The following ASTN2 variants were observed in gnomAD, a reference collection of about 807,000 sequenced individuals.
The protein encoded by ASTN2 is astrotactin-2.
A neutral mutation model predicts 139.8 loss-of-function variants in ASTN2; 54 were observed. The observed-to-expected ratio is 0.39, with a 90% CI of 0.31 to 0.48. The LOEUF (loss-of-function observed/expected upper bound fraction) is 0.48. Among genes scored for constraint, ASTN2 ranks in the 20% least tolerant of loss-of-function variants. The probability of loss-of-function intolerance (pLI) is 0.95; values close to 1 mark genes in which losing one functional copy is unlikely to be tolerated. For missense variants in ASTN2, 1,565 were observed against 1,725.1 expected (o/e 0.91, Z 1.64); for synonymous variants, 756 against 719.5 (o/e 1.05, Z -0.81).
Position 116,876,017 on chromosome 9 carries a change from A to G in ASTN2, c.1890-12284T>C, listed in dbSNP as rs1007808669. Among the ~76,000 whole-genome samples the G allele has an allele frequency of 2.6e-4, 40 of 152,238 alleles. 1 individual carries two copies. Among genetic ancestry groups the G allele is most frequent in the Non-Finnish European group, 1.0e-4 (7 of 68,042 alleles). ...TTATTATTTAAGAAATACATTTTGTAAGGTTATAGTTTTCATAGATAGTGA... is the reference window on the plus strand; with the variant it reads ...TTATTATTTAAGAAATACATTTTGTGAGGTTATAGTTTTCATAGATAGTGA... On this transcript the variant is annotated intron_variant, in intron 10 of 22. Transcript: ENST00000313400.
chr9:116,525,841 A>G (rs929340177), intron 19 of ASTN2, among the ~76,000 whole-genome samples: 2 of 152,152 alleles, frequency 1.3e-5, no homozygotes, highest in African/African-American at 4.8e-5. Context: ...GTCACCCTAA[A>G]TAATGCAATC....
At chr9:116,627,001 G>A (rs1024586246) in intron 17 of ASTN2, among the ~76,000 whole-genome samples, 2 of 152,222 alleles carry the variant, frequency 1.3e-5, no homozygotes, top group African/African-American at 4.8e-5. Flanking sequence ...TAGGAGATAG[G>A]GCACAGGGGC....
chr9:117,026,116 T>A (rs1263647432), intron 6 of ASTN2, among the ~76,000 whole-genome samples: 1 of 152,010 alleles, frequency 6.6e-6, no homozygotes, highest in Non-Finnish European at 1.5e-5. Context: ...TTTCTTTTTT[T>A]TTTAAATCTA....
At chr9:116,861,046 T>C (rs907413034) in intron 11 of ASTN2, among the ~76,000 whole-genome samples, 3 of 152,110 alleles carry the variant, frequency 2.0e-5, no homozygotes, top group African/African-American at 7.2e-5. Context: ...AACCTTGAAG[T>C]AGTGGTTTTA....
chr9:117,179,599 C>G (rs903359570), intron 3 of ASTN2, among the ~76,000 whole-genome samples: 23 of 152,148 alleles, frequency 1.5e-4, no homozygotes, highest in African/African-American at 5.6e-4. Flanking sequence ...CCTTCTTGCA[C>G]CTCTTCCTTG....
chr9:117,021,232 C>G (rs2132615547), intron 6 of ASTN2, among the ~76,000 whole-genome samples: 1 of 152,166 alleles, frequency 6.6e-6, no homozygotes, highest in East Asian at 1.9e-4. Flanking sequence ...AAGTTTCTGA[C>G]ATAGAAAATA....
At chr9:116,580,027 G>T (rs1853885838) in intron 19 of ASTN2, among the ~76,000 whole-genome samples, 1 of 152,118 alleles carries the variant, frequency 6.6e-6, no homozygotes, top group Admixed American at 6.5e-5. Flanking sequence ...TCACCATGTT[G>T]ATCAGGTTGG....
At chr9:117,106,980 A>G (rs1470313373) in intron 4 of ASTN2, among the ~76,000 whole-genome samples, 1 of 152,174 alleles carries the variant, frequency 6.6e-6, no homozygotes, top group Non-Finnish European at 1.5e-5. Flanking sequence ...CTATACCTAC[A>G]TATACCCAAA....
Position 116,699,880 on chromosome 9 carries a change from G to T in ASTN2, c.2806+25891C>A, listed in dbSNP as rs539458612. ...TTTTATTTGTTATGTCCCCCTCCCC[G>T]CTTCCCACCTAAATTTAGAGCTTTA... On this transcript the variant is annotated intron_variant, in intron 16 of 22. Transcript: ENST00000313400. The surrounding 1 kb of genome is among the most constrained non-coding windows in gnomAD (Gnocchi z 4.2). 5 of 816,616 alleles carry T rather than the reference G, an allele frequency of 6.1e-6. No individual in the cohort carries two copies. In the Admixed American group the frequency reaches 1.4e-4, roughly 22 times the overall value. 50.6% of individuals were successfully genotyped at this position (816,616 alleles called of 1,614,324 possible).
chr9:117,158,255 T>C (rs1830472734), intron 3 of ASTN2, among the ~76,000 whole-genome samples: 2 of 152,036 alleles, frequency 1.3e-5, no homozygotes, highest in Non-Finnish European at 1.5e-5. Flanking sequence ...ATTTTGACTA[T>C]AGCAGTATCA....
intron 10 of ASTN2, among the ~76,000 whole-genome samples, chr9:116,879,382 GACAGA>G (rs1027200313): frequency 3.0e-5 from 4 of 131,518 alleles, no homozygotes; most frequent in African/African-American, 1.2e-4. Context: ...CAGACAGACA[GACAGA>G]GAATTCATTG....
Position 117,008,290 on chromosome 9 carries a change from T to C in ASTN2, c.1424-31A>G. ...GGTGAACGGAGAGACAGATACTTTC[T>C]TACTGATTTTAAGGTCTTAGCTGAT... is the stretch of plus-strand genomic sequence containing the variant. On this transcript the variant is annotated intron_variant, in intron 6 of 22. Transcript: ENST00000313400. 1.9e-6 allele frequency: 3 copies of C among 1,547,596 alleles called. No homozygotes were observed. The African/African-American group carries it at 4.1e-5, about 21-fold the overall frequency.
rs766517097 is a variant in ASTN2 at position 116,619,688 on chromosome 9, ATTTTTTTTTTT to A, written c.3206+611_3206+621del. On this transcript the variant is annotated intron_variant, in intron 18 of 22. Transcript: ENST00000313400. ...ACAGGCATGTGCCACCACACGGGCT[ATTTTTTTTTTT>A]TTTTTTTTTTTTTGGAGAGACGAGG... is the stretch of plus-strand genomic sequence containing the variant. Among the ~76,000 whole-genome samples, 67 of 74,304 alleles carry A rather than the reference ATTTTTTTTTTT, an allele frequency of 9.0e-4. No homozygotes were observed. In the East Asian group the frequency reaches 0.019, roughly 21 times the overall value. The allele number at this position is 74,304 out of a possible 152,430, so 48.7% of individuals were successfully genotyped here.
At chr9:117,080,593 G>A (rs1276190478) in intron 5 of ASTN2, among the ~76,000 whole-genome samples, 4 of 151,790 alleles carry the variant, frequency 2.6e-5, no homozygotes, top group African/African-American at 9.7e-5. Flanking sequence ...AGCTCTCGAA[G>A]GTTTTCATTT....
intron 1 of ASTN2, among the ~76,000 whole-genome samples, chr9:117,338,363 A>C (rs1190740262): frequency 6.6e-6 from 1 of 152,066 alleles, no homozygotes; most frequent in Admixed American, 6.6e-5. Context: ...CTGCATCTAA[A>C]ACCTCCTTTC....
chr9:117,235,381 C>T (rs183138046), intron 2 of ASTN2, among the ~76,000 whole-genome samples: 117 of 152,212 alleles, frequency 7.7e-4, no homozygotes, highest in Non-Finnish European at 5.7e-4. Context: ...TGTTAACATA[C>T]CCATTTTGCA....
At chr9:117,066,949 T>C (rs1187447986) in intron 5 of ASTN2, among the ~76,000 whole-genome samples, 1 of 114,490 alleles carries the variant, frequency 8.7e-6, no homozygotes, top group Non-Finnish European at 1.8e-5. Context: ...TCTCCCATTT[T>C]GTAGGTTGCC....
chr9:116,921,030 A>G (rs1834590129), intron 10 of ASTN2, among the ~76,000 whole-genome samples: 2 of 152,220 alleles, frequency 1.3e-5, no homozygotes, highest in Admixed American at 6.5e-5. Context: ...GCTTTATAGG[A>G]AGTATGGCCA....
intron 1 of ASTN2, among the ~76,000 whole-genome samples, chr9:117,389,771 C>T (rs1224538192): frequency 1.3e-5 from 2 of 151,906 alleles, no homozygotes; most frequent in African/African-American, 4.8e-5. Context: ...AGACAAAGTC[C>T]CTGTCCTTGA....
Sources: gnomAD v4.1 joint callset for allele counts (sites outside exome capture counted in the v4.1 genomes callset) on GRCh38, gnomAD v4.1.1 for gene constraint, Gnocchi (gnomAD v3.1) non-coding constraint, MANE v1.5 for transcripts, NCBI Gene and HGNC (gene_info 2026-07-23, HGNC 2026-07-21) for gene names.